Variants in INO80C observed in about 807,000 individuals in gnomAD.
INO80C encodes the protein IES6 homolog.
A neutral mutation model predicts 17.7 loss-of-function variants in INO80C; 17 were observed. That is an observed-to-expected ratio of 0.96 (90% confidence interval 0.66 to 1.44). The LOEUF (loss-of-function observed/expected upper bound fraction) is 1.44. Ranked by LOEUF, INO80C falls within the 40% of genes most tolerant of loss-of-function variation. The pLI is 0.00. For synonymous variants in INO80C, 96 were observed against 95.8 expected (o/e 1.00, Z -0.01); for missense variants, 244 against 245.0 (o/e 1.00, Z 0.03).
At chr18:35,484,154 CAT>C (rs2045846184) in intron 1 of INO80C, among the ~76,000 whole-genome samples, 1 of 152,032 alleles carries the variant, frequency 6.6e-6, no homozygotes, top group Non-Finnish European at 1.5e-5. Context: ...CACAGGGGCA[CAT>C]GTTAATAATT....
In INO80C at chr18:35,497,876, G is replaced by A. The variant is rs773121584; in HGVS notation, c.-2C>T. The A allele has an allele frequency of 1.9e-6, 3 of 1,559,222 alleles. No individual in the cohort carries two copies. Among genetic ancestry groups the A allele is most frequent in the African/African-American group, 1.4e-5 (1 of 71,566 alleles). On this transcript the variant is annotated 5_prime_UTR_variant, in exon 1 of 5. Transcript: ENST00000334598. ...CACAATTGGAATTTGCGCCGCCATC[G>A]CACTCCGAGTCTTCCCCTGGTCCCC...
At chr18:35,469,444 C>T (rs1053028114) in intron 4 of INO80C, among the ~76,000 whole-genome samples, 1 of 152,192 alleles carries the variant, frequency 6.6e-6, no homozygotes, top group South Asian at 2.1e-4. Flanking sequence ...CATGTCCCCA[C>T]TCTCTGATTC....
Position 35,497,735 on chromosome 18 carries a change from G to T in INO80C, c.140C>A (p.Ala47Asp). 6.2e-7 allele frequency: 1 copy of T among 1,612,504 alleles called. No homozygotes were observed. The highest frequency in any genetic ancestry group is 1.7e-5 in the Admixed American group (1 of 59,936). Residue 47 changes from alanine to aspartate, a missense_variant, in exon 1 of 5, where the codon GCT becomes GAT. Transcript: ENST00000334598. ...YGASKKKKAS[A>D]SSFAQGISME... ...ACTGCGTACCTGCGCAAAGCTGGAAGCGGACGCTTTTTTCTTCTTACTGGC... is the reference window on the plus strand; with the variant it reads ...ACTGCGTACCTGCGCAAAGCTGGAATCGGACGCTTTTTTCTTCTTACTGGC...
chr18:35,474,778 T>C (rs924944168), intron 4 of INO80C, among the ~76,000 whole-genome samples: 1 of 152,018 alleles, frequency 6.6e-6, no homozygotes. Flanking sequence ...AAAAACACAA[T>C]TAGAGAGATA....
At chr18:35,474,670 G>A (rs1438143377) in intron 4 of INO80C, among the ~76,000 whole-genome samples, 1 of 152,068 alleles carries the variant, frequency 6.6e-6, no homozygotes, top group East Asian at 1.9e-4. Flanking sequence ...CTGGATTAGA[G>A]AGCAAGACTC....
chr18:35,473,746 C>T (rs1221040434), intron 4 of INO80C, among the ~76,000 whole-genome samples: 5 of 152,098 alleles, frequency 3.3e-5, no homozygotes, highest in South Asian at 2.1e-4. Context: ...AAAAATCATG[C>T]CCTTGAGTAC....
intron 1 of INO80C, among the ~76,000 whole-genome samples, chr18:35,491,840 A>G (rs753370345): frequency 9.9e-5 from 15 of 152,214 alleles, no homozygotes; most frequent in Admixed American, 2.6e-4. Context: ...ACACCCTAAG[A>G]GGAGAGGAAG....
intron 4 of INO80C, among the ~76,000 whole-genome samples, chr18:35,471,419 A>G (rs2045667982): frequency 6.6e-6 from 1 of 152,172 alleles, no homozygotes; most frequent in Non-Finnish European, 1.5e-5. Context: ...TGCTGTTTAT[A>G]TTGCTTTGCA....
At chr18:35,495,675 A>G (rs1346253527) in intron 1 of INO80C, among the ~76,000 whole-genome samples, 1 of 152,174 alleles carries the variant, frequency 6.6e-6, no homozygotes, top group Non-Finnish European at 1.5e-5. Flanking sequence ...ATTCCTACCC[A>G]TATGTCCTAG....
intron 4 of INO80C, among the ~76,000 whole-genome samples, chr18:35,471,751 C>G (rs1341151548): frequency 6.8e-6 from 1 of 146,212 alleles, no homozygotes; most frequent in Admixed American, 6.8e-5. Flanking sequence ...CTATCCCTCC[C>G]CCCTCCCTGC....
chr18:35,489,647 A>G (rs2045914314), intron 1 of INO80C, among the ~76,000 whole-genome samples: 1 of 152,232 alleles, frequency 6.6e-6, no homozygotes, highest in Non-Finnish European at 1.5e-5. Context: ...AAGTGTTCTG[A>G]TTACAGGAGA....
rs1270590171 is a variant in INO80C, at chr18:35,468,727, G to C, written c.463C>G (p.Pro155Ala). The stretch of plus-strand genomic sequence containing the variant: ...GTGCTGAACCGCAGTTTGCTCTGGG[G>C]GTCTGTGTAGTTGGCCTGGGTGAAA... ...VSGLLANYTD[P>A]QSKLRFSTIE... Residue 155 changes from proline to alanine, a missense_variant, in exon 5 of 5, where the codon CCC (proline) becomes GCC (alanine). Coordinates refer to ENST00000334598, the MANE Select transcript of INO80C (RefSeq NM_194281.4). 1 of 1,614,126 alleles carries C rather than the reference G, an allele frequency of 6.2e-7. No individual in the cohort carries two copies. The highest frequency in any genetic ancestry group is 2.2e-5 in the East Asian group (1 of 44,876).
intron 1 of INO80C, chr18:35,496,679 G>A (rs937545435): frequency 3.9e-5 from 6 of 152,200 alleles, no homozygotes; most frequent in African/African-American, 1.4e-4. Flanking sequence ...TTGTAGTTGG[G>A]ACTAAAGGCG....
At chr18:35,485,620 C>T (rs926547376) in intron 1 of INO80C, among the ~76,000 whole-genome samples, 9 of 151,336 alleles carry the variant, frequency 5.9e-5, no homozygotes, top group Admixed American at 1.3e-4. Context: ...TGCAAAAACA[C>T]CATTAAAAAA....
At chr18:35,497,676 GT>G in intron 1 of INO80C, 42 bp downstream of exon 1, 2 of 1,588,830 alleles carry the variant, frequency 1.3e-6, no homozygotes, top group East Asian at 2.3e-5. Flanking sequence ...GCCAAGTCCC[GT>G]TTCGCGACGC....
At chr18:35,487,465 G>GA (rs2144074008) in intron 1 of INO80C, 1 of 292,200 alleles carries the variant, frequency 3.4e-6, no homozygotes, top group Admixed American at 4.2e-5. Context: ...GCAAGAGAGA[G>GA]AATGAAAGCC....
chr18:35,468,833 A>T, intron 4 of INO80C, 91 bp from the exon 5 acceptor site: 1 of 1,131,872 alleles, frequency 8.8e-7, no homozygotes, highest in Non-Finnish European at 1.3e-6. Flanking sequence ...TATTTCACTG[A>T]AAGTGATATA....
intron 1 of INO80C, among the ~76,000 whole-genome samples, chr18:35,492,925 A>G (rs1185356737): frequency 6.6e-6 from 1 of 152,242 alleles, no homozygotes; most frequent in Non-Finnish European, 1.5e-5. Flanking sequence ...AACTGTTGCC[A>G]AAAGCATTTC....
chr18:35,468,459 A>C lies in INO80C; in HGVS notation c.*152T>G. Reference sequence around the variant, plus strand: ...GGGAAAACACACACTAAAAAAAAAAAAAACCCTTAAATTAAAGCCAAACAT... The same window carrying C: ...GGGAAAACACACACTAAAAAAAAAACAAACCCTTAAATTAAAGCCAAACAT... On this transcript the variant is annotated 3_prime_UTR_variant, in exon 5 of 5. Coordinates refer to ENST00000334598, the MANE Select transcript of INO80C (RefSeq NM_194281.4). 3 of 1,475,196 alleles carry C rather than the reference A, an allele frequency of 2.0e-6. No homozygotes were observed. Among genetic ancestry groups the C allele is most frequent in the Non-Finnish European group, 1.8e-6 (2 of 1,117,518 alleles). The allele number at this position is 1,475,196 out of a possible 1,614,324, so 91.4% of individuals were successfully genotyped here.
Sources: gnomAD v4.1 joint callset for allele counts (sites outside exome capture counted in the v4.1 genomes callset) on GRCh38, gnomAD v4.1.1 for gene constraint, MANE v1.5 for transcripts, NCBI Gene and HGNC (gene_info 2026-07-23, HGNC 2026-07-21) for gene names.